Variants in MPRIP observed in about 807,000 individuals in gnomAD.
MPRIP encodes myosin phosphatase Rho-interacting protein.
In MPRIP, 59 loss-of-function variants were observed where a neutral mutation model predicts 234.9. The ratio of observed to expected loss-of-function variants is 0.25; its 90% CI spans 0.20 to 0.31. The LOEUF is 0.31. Among genes scored for constraint, MPRIP ranks in the 10% least tolerant of loss-of-function variants. The pLI is 1.00. For missense variants in MPRIP, 2,436 were observed against 3,071.0 expected (o/e 0.79, Z 4.89); for synonymous variants, 1,144 against 1,263.9 (o/e 0.91, Z 2.01).
chr17:17,062,505 G>C (rs542144110), intron 1 of MPRIP, among the ~76,000 whole-genome samples: 5 of 152,380 alleles, frequency 3.3e-5, no homozygotes, highest in African/African-American at 1.2e-4. Context: ...AGATGTGTGT[G>C]CTTCATGTTT....
chr17:17,114,157 T>C (rs1430180677), intron 3 of MPRIP, among the ~76,000 whole-genome samples: 2 of 152,196 alleles, frequency 1.3e-5, no homozygotes, highest in Admixed American at 6.5e-5. Context: ...CCTTCTGAAG[T>C]GCTAGGTGAC....
intron 20 of MPRIP, 119 bp from the exon 21 acceptor site, chr17:17,176,307 C>A: frequency 1.3e-6 from 1 of 750,124 alleles, no homozygotes; most frequent in Non-Finnish European, 2.4e-6. Flanking sequence ...CATTGGGCAC[C>A]ACGAGGCTGC....
At chr17:17,168,138 C>A (rs1161449802) in intron 16 of MPRIP, 6 of 346,388 alleles carry the variant, frequency 1.7e-5, no homozygotes, top group South Asian at 1.4e-4. Flanking sequence ...GCAGGAGGGC[C>A]GCCAGGGTCC....
At chr17:17,175,440 A>G in intron 20 of MPRIP, 28 bp downstream of exon 20, 2 of 1,576,188 alleles carry the variant, frequency 1.3e-6, no homozygotes, top group Non-Finnish European at 1.7e-6. Context: ...GCCCTGCCTG[A>G]CTCAGCTCTG....
intron 3 of MPRIP, among the ~76,000 whole-genome samples, chr17:17,085,436 G>C (rs767195056): frequency 6.6e-6 from 1 of 152,206 alleles, no homozygotes; most frequent in African/African-American, 2.4e-5. Context: ...TCGCATTCCC[G>C]CGGGGTCCCT....
chr17:17,153,066 C>A (rs760988442), intron 12 of MPRIP, among the ~76,000 whole-genome samples: 4 of 152,168 alleles, frequency 2.6e-5, no homozygotes, highest in Non-Finnish European at 4.4e-5. Flanking sequence ...ACGCCCACAC[C>A]TGGGGGTGGA....
At position 17,180,484 on chromosome 17, in the gene MPRIP, G is replaced by A; in HGVS notation, c.7206+396G>A. 3 of 876,240 alleles carry A rather than the reference G, an allele frequency of 3.4e-6. No homozygotes were observed. The Admixed American group carries it at 5.3e-5, about 15-fold the overall frequency. The allele number at this position is 876,240 out of a possible 1,614,324, so 54.3% of individuals were successfully genotyped here. ...CCTGCTCTTGTTCCCCAGCCAGGAA[G>A]CAGTACATCTTTAGTGTGCTGTCCA... On this transcript the variant is annotated intron_variant, in intron 23 of 23. Transcript: ENST00000651222.
intron 1 of MPRIP, among the ~76,000 whole-genome samples, chr17:17,052,269 A>T (rs2088564974): frequency 1.3e-5 from 2 of 152,148 alleles, no homozygotes; most frequent in Admixed American, 1.3e-4. Flanking sequence ...TTTGCTTTGT[A>T]AACTCCTTAG....
intron 5 of MPRIP, among the ~76,000 whole-genome samples, chr17:17,135,795 A>G (rs1018132074): frequency 3.3e-5 from 5 of 152,202 alleles, no homozygotes; most frequent in Non-Finnish European, 7.3e-5. Flanking sequence ...TTGAAACCAT[A>G]GCATTTAATT....
Position 17,164,911 on chromosome 17 carries a change from G to A in MPRIP, c.3320G>A (p.Arg1107Gln), listed in dbSNP as rs577208543. The stretch of plus-strand genomic sequence containing the variant: ...CACGTGCAGAGCCTCTGTGACGAGC[G>A]GGACCTCCTCAGACAGCGGTTCCAG... The part of the protein sequence containing the change: ...AEHVQSLCDE[R>Q]DLLRQRFQEL... The change falls in exon 16 of 24, where the codon CGG becomes CAG. Residue 1107 changes from arginine (R) to glutamine (Q), a missense_variant. Physicochemically the swap from Arg to Gln is conservative, Grantham distance 43. Coordinates refer to ENST00000651222, the MANE Select transcript of MPRIP (RefSeq NM_001364716.4). The A allele has an allele frequency of 1.5e-5, 20 of 1,303,760 alleles. No homozygotes were observed. The highest frequency in any genetic ancestry group is 1.7e-5 in the Non-Finnish European group (17 of 988,678). The allele number at this position is 1,303,760 out of a possible 1,614,324, so 80.8% of individuals were successfully genotyped here. A position where few individuals can be genotyped will look rare whatever the true frequency, so the allele number is the denominator to read the frequency against.
chr17:17,166,595 C>G lies in MPRIP; in HGVS notation c.5004C>G (p.Val1668=). The part of the protein sequence containing the change: ...LAPILANATW[V]RAELSFATQS... The stretch of plus-strand genomic sequence containing the variant: ...CCATCCTGGCCAATGCCACATGGGT[C>G]AGGGCAGAGCTCAGCTTTGCCACAC... The change falls in exon 16 of 24, where the codon GTC becomes GTG. Residue 1668 remains valine (V), a synonymous_variant. Transcript: ENST00000651222. This position sits in a 1 kb window ranked among gnomAD's most constrained non-coding sequence, Gnocchi z 4.4. The G allele has an allele frequency of 7.7e-7, 1 of 1,304,022 alleles. No individual in the cohort carries two copies. Among genetic ancestry groups the G allele is most frequent in the South Asian group, 1.2e-5 (1 of 81,024 alleles). 80.8% of individuals were successfully genotyped at this position (1,304,022 alleles called of 1,614,324 possible).
chr17:17,112,934 C>A (rs964937625), intron 3 of MPRIP, among the ~76,000 whole-genome samples: 1 of 152,248 alleles, frequency 6.6e-6, no homozygotes, highest in African/African-American at 2.4e-5. Context: ...CCACAGGAGG[C>A]CAGTGAGGCA....
intron 3 of MPRIP, among the ~76,000 whole-genome samples, chr17:17,117,653 G>A (rs2090018): frequency 0.84 from 127,248 of 152,274 alleles, 53,415 homozygotes; most frequent in East Asian, 0.99. Context: ...TGGCTATCGC[G>A]AATTATGCTG....
intron 3 of MPRIP, among the ~76,000 whole-genome samples, chr17:17,102,500 T>A (rs572968395): frequency 9.8e-5 from 15 of 152,346 alleles, no homozygotes; most frequent in South Asian, 2.1e-4. Flanking sequence ...TCAGGGCACG[T>A]GTGGAGTGTG....
intron 4 of MPRIP, among the ~76,000 whole-genome samples, chr17:17,128,785 C>A (rs1469555583): frequency 6.6e-6 from 1 of 152,204 alleles, no homozygotes; most frequent in Non-Finnish European, 1.5e-5. Context: ...GTGGCCTATG[C>A]ACCCTGGGGA....
chr17:17,047,162 C>CA (rs1374744876), intron 1 of MPRIP, among the ~76,000 whole-genome samples: 1 of 152,156 alleles, frequency 6.6e-6, no homozygotes, highest in African/African-American at 2.4e-5. Context: ...GCCTGGGCAA[C>CA]AAAGTGAGAC....
chr17:17,160,957 G>A (rs1484445037), intron 14 of MPRIP, among the ~76,000 whole-genome samples: 2 of 152,228 alleles, frequency 1.3e-5, no homozygotes, highest in Non-Finnish European at 2.9e-5. Flanking sequence ...ACCTTGAGCA[G>A]GTGTGGGAAG....
rs151143734 is a variant in MPRIP, at chr17:17,172,778, G to A, written c.6553G>A (p.Val2185Ile). The change falls in exon 18 of 24, where the codon GTC becomes ATC. Residue 2185 changes from valine to isoleucine, a missense_variant. By Grantham distance (29) the Val-to-Ile change is conservative. Around this residue, in one of 4 missense-constraint regions of MPRIP, gnomAD observed 1,998 missense variants for 2,520.3 expected, o/e 0.79. Transcript: ENST00000651222. The part of the protein sequence containing the change: ...EKSQRSQISS[V>I]NSDVEALRRQ... ...GAGCCAGCGGTCCCAGATCAGCAGC[G>A]TCAACTCGGATGTTGAGGCCCTGCG... 216 of 1,612,556 alleles carry A rather than the reference G, an allele frequency of 1.3e-4. No individual in the cohort carries two copies. The highest frequency in any genetic ancestry group is 1.7e-4 in the Non-Finnish European group (195 of 1,179,982).
intron 3 of MPRIP, among the ~76,000 whole-genome samples, chr17:17,101,328 T>C (rs772919689): frequency 3.9e-5 from 6 of 152,208 alleles, no homozygotes; most frequent in Non-Finnish European, 8.8e-5. Flanking sequence ...CACTTTGGGA[T>C]GCCAAGGCAG....
Sources: gnomAD v4.1 joint callset for allele counts (sites outside exome capture counted in the v4.1 genomes callset) on GRCh38, gnomAD v4.1.1 for gene constraint, gnomAD v4.1.1 regional missense constraint, Gnocchi (gnomAD v3.1) non-coding constraint, MANE v1.5 for transcripts, NCBI Gene and HGNC (gene_info 2026-07-23, HGNC 2026-07-21) for gene names.